The following BMP2K variants were observed in gnomAD, a reference collection of about 807,000 sequenced individuals.
BMP2K encodes the protein BMP-2-inducible protein kinase.
BMP2K carries 74 observed loss-of-function variants against 116.0 expected under a neutral mutation model. The ratio of observed to expected loss-of-function variants is 0.64; its 90% confidence interval spans 0.53 to 0.77. The LOEUF (loss-of-function observed/expected upper bound fraction) is 0.77. Ranked by LOEUF, BMP2K falls within the 30% of genes least tolerant of loss-of-function variation. BMP2K has a pLI of 0.00. For missense variants in BMP2K, 1,365 were observed against 1,403.6 expected (o/e 0.97, Z 0.44); for synonymous variants, 486 against 502.5 (o/e 0.97, Z 0.44).
chr4:78,842,274 A>G, intron 3 of BMP2K, 111 bp from the exon 4 acceptor site: 2 of 914,262 alleles, frequency 2.2e-6, no homozygotes, highest in Admixed American at 2.9e-5. Context: ...CATGAGAATT[A>G]TGAAAAAGCC....
rs1042539829 is a variant in BMP2K, at chr4:78,827,824, G to A, written c.297+1669G>A. ...GCAATTCAGCCCACCTTGCTGATAC[G>A]TTTTTACTTTCTTTGATCAAAGTAG... On this transcript the variant is annotated intron_variant, in intron 2 of 15. Coordinates refer to ENST00000502613, the MANE Select transcript of BMP2K (RefSeq NM_198892.2). 2.6e-5 allele frequency among the ~76,000 whole-genome samples: 4 copies of A among 152,144 alleles called. No individual in the cohort carries two copies. In the South Asian group the frequency reaches 6.2e-4, roughly 24 times the overall value.
rs1734547616 is a variant in BMP2K at position 78,910,807 on chromosome 4, A to G, written c.2260A>G (p.Ser754Gly). Residue 754 changes from serine (S) to glycine (G), a missense_variant, in exon 16 of 16, where the codon AGT (serine) becomes GGT (glycine). Transcript: ENST00000502613. ...FESDPPSPKS[S>G]EEEEQDDEEV... ...ATCAGATCCCCCTTCTCCTAAGAGCAGTGAAGAGGAAGAGCAAGATGATGA... is the reference window on the plus strand; with the variant it reads ...ATCAGATCCCCCTTCTCCTAAGAGCGGTGAAGAGGAAGAGCAAGATGATGA... 3 of 1,613,828 alleles carry G rather than the reference A, an allele frequency of 1.9e-6. No individual in the cohort carries two copies. The highest frequency in any genetic ancestry group is 1.7e-5 in the Admixed American group (1 of 59,994).
At chr4:78,872,519 C>A in intron 12 of BMP2K, 95 bp from the exon 13 acceptor site, 1 of 1,117,372 alleles carries the variant, frequency 8.9e-7, no homozygotes, top group Non-Finnish European at 1.2e-6. Flanking sequence ...GATTTTGTCA[C>A]CAATGTGAAA....
intron 10 of BMP2K, among the ~76,000 whole-genome samples, chr4:78,868,257 A>G (rs1732157730): frequency 6.6e-6 from 1 of 152,102 alleles, no homozygotes; most frequent in African/African-American, 2.4e-5. Context: ...GGCGGCAACA[A>G]GAGAAAATGA....
chr4:78,781,015 GTC>G (rs562494528), intron 1 of BMP2K, among the ~76,000 whole-genome samples: 82 of 152,302 alleles, frequency 5.4e-4, no homozygotes, highest in Admixed American at 1.2e-3. Flanking sequence ...GAAGACTGAA[GTC>G]TCTGTGTGAG....
At chr4:78,890,676 C>T (rs1041566845) in intron 15 of BMP2K, among the ~76,000 whole-genome samples, 2 of 152,136 alleles carry the variant, frequency 1.3e-5, no homozygotes, top group Admixed American at 1.3e-4. Context: ...TAAATTTCCT[C>T]CCAGTTTAAG....
chr4:78,900,402 A>G (rs1159057632), intron 15 of BMP2K, among the ~76,000 whole-genome samples: 2 of 152,176 alleles, frequency 1.3e-5, no homozygotes, highest in Non-Finnish European at 2.9e-5. Context: ...TCAAGGCTCA[A>G]CTGTATATAG....
chr4:78,852,416 A>C (rs1440741243), intron 7 of BMP2K, among the ~76,000 whole-genome samples: 4 of 152,152 alleles, frequency 2.6e-5, no homozygotes, highest in African/African-American at 9.7e-5. Context: ...AAAACATAAA[A>C]GCATTCAAGT....
Position 78,912,166 on chromosome 4 carries a change from A to G in BMP2K, c.*133A>G, listed in dbSNP as rs1734672593. The G allele has an allele frequency of 7.6e-6, 6 of 794,048 alleles. No homozygotes were observed. The highest frequency in any genetic ancestry group is 2.5e-5 in the East Asian group (1 of 39,416). The allele number at this position is 794,048 out of a possible 1,614,324, so 49.2% of individuals were successfully genotyped here. The stretch of plus-strand genomic sequence containing the variant: ...ATCAGTCAGAATAGGTGATTTCTAA[A>G]TAAACCAAATAGAAGAATGAAGTAT... On this transcript the variant is annotated 3_prime_UTR_variant, in exon 16 of 16. Coordinates refer to ENST00000502613, the MANE Select transcript of BMP2K (RefSeq NM_198892.2).
chr4:78,777,021 G>C lies in BMP2K; in HGVS notation c.178+300G>C, dbSNP rs114956291. Among the ~76,000 whole-genome samples the C allele has an allele frequency of 2.4e-3, 363 of 152,232 alleles. 1 individual carries two copies. The highest frequency in any genetic ancestry group is 8.0e-3 in the African/African-American group (331 of 41,536). The stretch of plus-strand genomic sequence containing the variant: ...GGAAGTGGGTTGGTGTTACGATTGG[G>C]CCAGTGACTCATTAGAGGGTCAGAT... On this transcript the variant is annotated intron_variant, in intron 1 of 15. Coordinates refer to ENST00000502613, the MANE Select transcript of BMP2K (RefSeq NM_198892.2).
At chr4:78,813,297 A>C (rs1207045273) in intron 1 of BMP2K, among the ~76,000 whole-genome samples, 1 of 152,142 alleles carries the variant, frequency 6.6e-6, no homozygotes, top group Non-Finnish European at 1.5e-5. Flanking sequence ...AACCACTATT[A>C]AATTGCAGCA....
rs1456873863 is a variant in BMP2K, at chr4:78,870,788, C to G, written c.1237C>G (p.Leu413Val). 1 of 1,613,210 alleles carries G rather than the reference C, an allele frequency of 6.2e-7. No individual in the cohort carries two copies. Among genetic ancestry groups the G allele is most frequent in the African/African-American group, 1.3e-5 (1 of 74,886 alleles). The change falls in exon 11 of 16, where the codon CTA (leucine) becomes GTA (valine). Residue 413 changes from leucine (L) to valine (V), a missense_variant. Coordinates refer to ENST00000502613, the MANE Select transcript of BMP2K (RefSeq NM_198892.2). Reference protein sequence around the residue: ...EFGNHRPKGALRPGNGPEILL... With the variant: ...EFGNHRPKGAVRPGNGPEILL... ...GTGTTTGGACCTGTCTTTAGGGGCA[C>G]TAAGACCTGGAAATGGCCCTGAAAT...
At chr4:78,832,415 C>A (rs1730252857) in intron 2 of BMP2K, among the ~76,000 whole-genome samples, 1 of 152,012 alleles carries the variant, frequency 6.6e-6, no homozygotes, top group Non-Finnish European at 1.5e-5. Flanking sequence ...TATTACAATC[C>A]CTTTTGTTAG....
rs535195482 is a variant in BMP2K at position 78,839,565 on chromosome 4, CT to C, written c.404-2818del. On this transcript the variant is annotated intron_variant, in intron 3 of 15. Coordinates refer to ENST00000502613, the MANE Select transcript of BMP2K (RefSeq NM_198892.2). Reference sequence around the variant, plus strand: ...TCTACTACAGATAAAATTGAAAAATCTTGTTGTATTAGTCAGGGTTTTCTAG... The same window carrying C: ...TCTACTACAGATAAAATTGAAAAATCTGTTGTATTAGTCAGGGTTTTCTAG... Among the ~76,000 whole-genome samples the C allele has an allele frequency of 1.6e-4, 25 of 152,162 alleles. No homozygotes were observed. The South Asian group carries it at 5.0e-3, about 30-fold the overall frequency.
At chr4:78,860,627 A>G (rs1002843114) in intron 8 of BMP2K, among the ~76,000 whole-genome samples, 3 of 151,860 alleles carry the variant, frequency 2.0e-5, no homozygotes, top group African/African-American at 4.8e-5. Context: ...GCCAATCTTA[A>G]TAAAGGTTCT....
chr4:78,840,412 A>G (rs943363457), intron 3 of BMP2K, among the ~76,000 whole-genome samples: 8 of 152,120 alleles, frequency 5.3e-5, no homozygotes, highest in Admixed American at 3.9e-4. Flanking sequence ...TATCCTGATC[A>G]TTGTCCCTCC....
rs765683282 is a variant in BMP2K at position 78,842,398 on chromosome 4, G to C, written c.417G>C (p.Val139=). 2 of 1,595,988 alleles carry C rather than the reference G, an allele frequency of 1.3e-6. No homozygotes were observed. Among genetic ancestry groups the C allele is most frequent in the East Asian group, 4.5e-5 (2 of 44,666 alleles). Residue 139 remains valine (V), a synonymous_variant, in exon 4 of 16, where the codon GTG becomes GTC. Transcript: ENST00000502613. ...TTTTTTGGTTAGCTGGACAGGTAGT[G>C]AATCAAATGAATAAGAAGCTACAGA... is the stretch of plus-strand genomic sequence containing the variant. The part of the protein sequence containing the change: ...LMEYCRAGQV[V]NQMNKKLQTG...
chr4:78,901,222 ATT>A (rs1560554275), intron 15 of BMP2K, among the ~76,000 whole-genome samples: 2 of 149,144 alleles, frequency 1.3e-5, no homozygotes, highest in African/African-American at 5.0e-5. Context: ...TTTTTATTTT[ATT>A]TTATTATTTT....
chr4:78,829,780 CTTT>C (rs200293208), intron 2 of BMP2K, among the ~76,000 whole-genome samples: 3,345 of 114,024 alleles, frequency 0.029, 92 homozygotes, highest in African/African-American at 0.085. Flanking sequence ...CTTTTCTTTT[CTTT>C]TCTTTTCTCT....
Sources: allele counts gnomAD v4.1 joint callset (sites outside exome capture counted in the v4.1 genomes callset), GRCh38; gene constraint gnomAD v4.1.1; transcripts MANE v1.5; gene names NCBI Gene and HGNC (gene_info 2026-07-23, HGNC 2026-07-21).